The following TMTC2 variants were observed in gnomAD, a reference collection of about 807,000 sequenced individuals.
TMTC2 encodes the protein protein O-mannosyl-transferase TMTC2.
TMTC2 carries 43 observed loss-of-function variants against 82.4 expected under a neutral mutation model. That is an observed-to-expected ratio of 0.52 (90% CI 0.41 to 0.67). TMTC2 has a LOEUF of 0.67. Ranked by LOEUF, TMTC2 falls within the 30% of genes least tolerant of loss-of-function variation. The probability of loss-of-function intolerance (pLI) is 0.00; values close to 1 mark genes in which losing one functional copy is unlikely to be tolerated. For synonymous variants in TMTC2, 408 were observed against 381.9 expected (o/e 1.07, Z -0.80); for missense variants, 919 against 1,012.4 (o/e 0.91, Z 1.25).
chr12:82,718,959 T>C (rs1400017748), intron 1 of TMTC2, among the ~76,000 whole-genome samples: 3 of 150,550 alleles, frequency 2.0e-5, no homozygotes, highest in Non-Finnish European at 4.4e-5. Context: ...ATCCTATTGA[T>C]TATAAAAATG....
chr12:82,960,747 A>G lies in TMTC2; in HGVS notation c.1599-4277A>G, dbSNP rs562606189. ...CGGAAACCACAGCATCATGCAATAT[A>G]TACATGTAAGAAACCTGTACATGAA... On this transcript the variant is annotated intron_variant, in intron 4 of 11. Transcript: ENST00000321196. Among the ~76,000 whole-genome samples the G allele has an allele frequency of 3.3e-5, 5 of 152,114 alleles. No homozygotes were observed. In the East Asian group the frequency reaches 9.7e-4, roughly 29 times the overall value.
intron 3 of TMTC2, among the ~76,000 whole-genome samples, chr12:82,900,580 C>T (rs894465796): frequency 6.8e-5 from 9 of 131,398 alleles, no homozygotes; most frequent in South Asian, 2.5e-4. Context: ...TATACATATC[C>T]GGAATATAGA....
Position 83,096,473 on chromosome 12 carries a change from G to GA in TMTC2, c.2331+34646dup, listed in dbSNP as rs544772866. 2.9e-3 allele frequency among the ~76,000 whole-genome samples: 440 copies of GA among 152,316 alleles called. 2 individuals are homozygous for GA. Among genetic ancestry groups the GA allele is most frequent in the African/African-American group, 0.01 (422 of 41,558 alleles). On this transcript the variant is annotated intron_variant, in intron 11 of 11. Coordinates refer to ENST00000321196, the MANE Select transcript of TMTC2 (RefSeq NM_152588.3). ...TACCTGAGACAGGGTAATTTATAAA[G>GA]AAAAGGAGCTTTAATGGACAGTTAA...
At chr12:82,739,619 C>A in intron 1 of TMTC2, among the ~76,000 whole-genome samples, 1 of 151,580 alleles carries the variant, frequency 6.6e-6, no homozygotes, top group African/African-American at 2.4e-5. Context: ...TTTGGAATTT[C>A]TATTTATTTT....
At chr12:82,874,760 A>G (rs779028137) in intron 2 of TMTC2, among the ~76,000 whole-genome samples, 3 of 152,098 alleles carry the variant, frequency 2.0e-5, no homozygotes, top group Admixed American at 1.3e-4. Flanking sequence ...CTTAACAAAT[A>G]TGGAATAAAA....
chr12:82,805,421 A>G (rs1483952982), intron 1 of TMTC2, among the ~76,000 whole-genome samples: 1 of 149,260 alleles, frequency 6.7e-6, no homozygotes, highest in Non-Finnish European at 1.5e-5. Flanking sequence ...TCCTAATTAG[A>G]TGGGAGGAAA....
intron 1 of TMTC2, among the ~76,000 whole-genome samples, chr12:82,791,233 G>A (rs985692244): frequency 2.6e-5 from 4 of 151,936 alleles, no homozygotes; most frequent in African/African-American, 9.7e-5. Flanking sequence ...TATTTTTACT[G>A]ATATAGCTGT....
At chr12:82,715,728 T>C (rs1209195849) in intron 1 of TMTC2, among the ~76,000 whole-genome samples, 2 of 152,024 alleles carry the variant, frequency 1.3e-5, no homozygotes, top group African/African-American at 4.8e-5. Flanking sequence ...TGGTGGGGGA[T>C]GGGATGGTAG....
intron 1 of TMTC2, among the ~76,000 whole-genome samples, chr12:82,777,865 C>T (rs539062626): frequency 1.4e-4 from 21 of 152,164 alleles, no homozygotes; most frequent in Non-Finnish European, 2.2e-4. Flanking sequence ...GTTTTCACCA[C>T]GATTTGCCAT....
Position 82,990,476 on chromosome 12 carries a change from CA to C in TMTC2, c.2070+4435del, listed in dbSNP as rs552659990. On this transcript the variant is annotated intron_variant, in intron 8 of 11. Transcript: ENST00000321196. ...ATCAAATCCTCTTTTATTTTTCTGC[CA>C]AAAATGTCCTTTTCCTCTCTTTGCC... Among the ~76,000 whole-genome samples the C allele has an allele frequency of 5.3e-5, 8 of 152,096 alleles. No individual in the cohort carries two copies. The East Asian group carries it at 1.5e-3, about 29-fold the overall frequency.
chr12:83,075,410 T>C (rs913075792), intron 11 of TMTC2, among the ~76,000 whole-genome samples: 1 of 152,162 alleles, frequency 6.6e-6, no homozygotes, highest in African/African-American at 2.4e-5. Flanking sequence ...CTCTTGTCCA[T>C]CTGTATATTT....
chr12:82,742,878 TCAC>T (rs1875492105), intron 1 of TMTC2, among the ~76,000 whole-genome samples: 2 of 152,126 alleles, frequency 1.3e-5, no homozygotes, highest in African/African-American at 4.8e-5. Context: ...TAACACCACT[TCAC>T]CATTTCACCA....
In TMTC2 at chr12:83,006,263, C is replaced by T. The variant is rs553373857; in HGVS notation, c.2070+20217C>T. Among the ~76,000 whole-genome samples the T allele has an allele frequency of 1.7e-3, 258 of 152,262 alleles. 2 individuals are homozygous for T. The highest frequency in any genetic ancestry group is 6.1e-3 in the African/African-American group (254 of 41,542). Reference sequence around the variant, plus strand: ...TGCCTGCGTTGCCTCTCTGTCAACTCTTAGTGTTTTCTCCCAAAAGATCTG... The same window carrying T: ...TGCCTGCGTTGCCTCTCTGTCAACTTTTAGTGTTTTCTCCCAAAAGATCTG... On this transcript the variant is annotated intron_variant, in intron 8 of 11. Transcript: ENST00000321196.
chr12:82,996,301 G>A (rs935212580), intron 8 of TMTC2, among the ~76,000 whole-genome samples: 1 of 152,176 alleles, frequency 6.6e-6, no homozygotes, highest in Non-Finnish European at 1.5e-5. Context: ...AAGGGGTGAG[G>A]GTGAAGGGCA....
intron 1 of TMTC2, among the ~76,000 whole-genome samples, chr12:82,845,252 A>AAAAAAAT (rs1555190264): frequency 4.9e-4 from 19 of 38,796 alleles, no homozygotes; most frequent in South Asian, 1.0e-3. Context: ...AAAAAAAAAA[A>AAAAAAAT]ATATATATAT....
intron 1 of TMTC2, among the ~76,000 whole-genome samples, chr12:82,688,054 C>T (rs1872412970): frequency 6.6e-6 from 1 of 152,214 alleles, no homozygotes; most frequent in Non-Finnish European, 1.5e-5. Flanking sequence ...AGCCTCTCCT[C>T]GATCCCTGAT....
intron 8 of TMTC2, among the ~76,000 whole-genome samples, chr12:83,003,873 G>A (rs1592686936): frequency 6.6e-6 from 1 of 152,014 alleles, no homozygotes; most frequent in African/African-American, 2.4e-5. Context: ...TATCTTGCAG[G>A]AATTCTCTGA....
intron 8 of TMTC2, among the ~76,000 whole-genome samples, chr12:82,999,372 G>C (rs770724951): frequency 1.3e-5 from 2 of 152,150 alleles, no homozygotes; most frequent in Non-Finnish European, 1.5e-5. Context: ...ATCTATTAGC[G>C]ATGTGACTTA....
At chr12:82,854,544 A>G (rs985494818) in intron 1 of TMTC2, among the ~76,000 whole-genome samples, 17 of 152,234 alleles carry the variant, frequency 1.1e-4, no homozygotes, top group African/African-American at 3.4e-4. Flanking sequence ...GTAGTAGACA[A>G]AAATTCATCA....
Sources: allele counts gnomAD v4.1 joint callset (sites outside exome capture counted in the v4.1 genomes callset), GRCh38; gene constraint gnomAD v4.1.1; transcripts MANE v1.5; gene names NCBI Gene and HGNC (gene_info 2026-07-23, HGNC 2026-07-21).